The following ZNF232 variants were observed in gnomAD, a reference collection of about 807,000 sequenced individuals.
ZNF232 encodes the protein zinc finger protein 232, also known as zinc finger and SCAN domain-containing protein 11.
In ZNF232, 25 loss-of-function variants were observed where a neutral mutation model predicts 25.2. The observed-to-expected ratio is 0.99, with a 90% CI of 0.72 to 1.39. ZNF232 has a LOEUF of 1.39. Ranked by LOEUF, ZNF232 falls within the 40% of genes most tolerant of loss-of-function variation. The probability of loss-of-function intolerance (pLI) is 0.00; values close to 1 mark genes in which losing one functional copy is unlikely to be tolerated. For synonymous variants in ZNF232, 193 were observed against 182.9 expected (o/e 1.06, Z -0.45); for missense variants, 519 against 520.9 (o/e 1.00, Z 0.04).
chr17:5,111,418 A>T (rs941656480), intron 1 of ZNF232: 8 of 323,756 alleles, frequency 2.5e-5, no homozygotes, highest in Non-Finnish European at 4.0e-5. Context: ...AGGCGCGAGG[A>T]AAAACGCGGA....
At chr17:5,121,452 A>C in intron 1 of ZNF232, 1 of 283,838 alleles carries the variant, frequency 3.5e-6, no homozygotes, top group South Asian at 3.8e-5. Context: ...GGAGCTCTAC[A>C]TCTCTGTGCA....
intron 3 of ZNF232, among the ~76,000 whole-genome samples, chr17:5,106,818 A>G (rs1198137132): frequency 6.6e-6 from 1 of 152,206 alleles, no homozygotes; most frequent in Non-Finnish European, 1.5e-5. Context: ...AGGATTTTTC[A>G]TATTTTCAAG....
chr17:5,118,850 CTG>C (rs1238730852), intron 1 of ZNF232, among the ~76,000 whole-genome samples: 1 of 152,202 alleles, frequency 6.6e-6, no homozygotes, highest in African/African-American at 2.4e-5. Flanking sequence ...CATCTACTGA[CTG>C]AGTCTGGGGT....
At position 5,111,799 on chromosome 17, in the gene ZNF232, C is replaced by G; in HGVS notation, c.23+1G>C. 1 of 1,613,894 alleles carries G rather than the reference C, an allele frequency of 6.2e-7. No individual in the cohort carries two copies. The highest frequency in any genetic ancestry group is 1.7e-5 in the Admixed American group (1 of 60,024). On this transcript the variant is annotated splice_donor_variant, in intron 1 of 3. Coordinates refer to ENST00000575898, the Ensembl canonical transcript of ZNF232. LOFTEE classifies it high-confidence loss of function. ...TCGGGGAAGCCGCCGCCAACACTCA[C>G]CTCACAGGACCAGGAGGTTCCATCG...
At chr17:5,118,328 G>A (rs1375770362) in intron 1 of ZNF232, 2 of 152,508 alleles carry the variant, frequency 1.3e-5, no homozygotes, top group Non-Finnish European at 2.9e-5. Flanking sequence ...GGCCACTACA[G>A]GCACCAGCAT....
chr17:5,122,243 A>G (rs1382056107), intron 1 of ZNF232, among the ~76,000 whole-genome samples: 6 of 152,090 alleles, frequency 3.9e-5, no homozygotes, highest in Admixed American at 6.6e-5. Context: ...CGTGACTCAC[A>G]GTCAGGACTC....
chr17:5,111,855 C>A, upstream of ZNF232: 1 of 1,613,484 alleles, frequency 6.2e-7, no homozygotes. Flanking sequence ...CCACTTACAG[C>A]CCTCACCCCA....
chr17:5,122,792 G>A (rs1235087535), intron 1 of ZNF232, among the ~76,000 whole-genome samples: 4 of 152,254 alleles, frequency 2.6e-5, no homozygotes, highest in Non-Finnish European at 5.9e-5. Flanking sequence ...AGGGCGAGGG[G>A]TCGGGGCCGG....
At chr17:5,109,002 C>T in exon 3 of ZNF232, 1 of 1,614,116 alleles carries the variant, frequency 6.2e-7, no homozygotes, top group South Asian at 1.1e-5. Context: ...CCAGAGATTC[C>T]TTCTTCTCCC....
chr17:5,115,184 G>T (rs188836437), upstream of ZNF232, among the ~76,000 whole-genome samples: 2 of 151,976 alleles, frequency 1.3e-5, no homozygotes, highest in South Asian at 2.1e-4. Context: ...GCATCTTTTG[G>T]GGGGTGGGGC....
At chr17:5,109,148 T>C in intron 2 of ZNF232, 96 bp from the exon 3 acceptor site, 1 of 1,561,414 alleles carries the variant, frequency 6.4e-7, no homozygotes, top group Non-Finnish European at 8.7e-7. Flanking sequence ...TGACCCTCCT[T>C]GGACCAAAGC....
At chr17:5,117,019 G>A (rs2072553154) in intron 1 of ZNF232, among the ~76,000 whole-genome samples, 1 of 152,126 alleles carries the variant, frequency 6.6e-6, no homozygotes, top group Non-Finnish European at 1.5e-5. Flanking sequence ...AGGAAGGAAA[G>A]GTAAGTACTT....
chr17:5,111,763 C>T (rs1241690418), intron 1 of ZNF232, 37 bp downstream of exon 1: 3 of 1,613,546 alleles, frequency 1.9e-6, no homozygotes. Flanking sequence ...AGCCAAGCCG[C>T]CAGGTGGACC....
upstream of ZNF232, among the ~76,000 whole-genome samples, chr17:5,115,254 G>A (rs907056236): frequency 3.9e-5 from 6 of 151,992 alleles, no homozygotes; most frequent in Admixed American, 1.3e-4. Context: ...GAGTTATTTC[G>A]AAACAAGGAA....
At chr17:5,109,775 G>A (rs1391623682) in exon 2 of ZNF232, 2 of 1,614,102 alleles carry the variant, frequency 1.2e-6, no homozygotes, top group East Asian at 2.2e-5. Context: ...TACCCTGAAG[G>A]GCCAGAGTTT....
chr17:5,109,402 CT>C lies in ZNF232; in HGVS notation c.489del (p.Glu164SerfsTer30). On this transcript the variant is annotated frameshift_variant, in exon 2 of 4. Transcript: ENST00000575898. LOFTEE classifies it high-confidence loss of function. Reference sequence around the variant, plus strand: ...CAAATCCCCCTTCCCACCTGCGGCTCTGGTTCAAGTCCTTTCTCTAAATCCT... The same window carrying C: ...CAAATCCCCCTTCCCACCTGCGGCTCGGTTCAAGTCCTTTCTCTAAATCCT... 6.2e-7 allele frequency: 1 copy of C among 1,614,154 alleles called. No individual in the cohort carries two copies. The highest frequency in any genetic ancestry group is 8.5e-7 in the Non-Finnish European group (1 of 1,180,018).
intron 3 of ZNF232, among the ~76,000 whole-genome samples, chr17:5,107,685 C>T (rs987933058): frequency 1.3e-5 from 2 of 151,540 alleles, no homozygotes; most frequent in Non-Finnish European, 2.9e-5. Flanking sequence ...ATTACAGGCG[C>T]GTATCACACC....
chr17:5,108,036 A>G (rs1396085906), intron 3 of ZNF232, among the ~76,000 whole-genome samples: 1 of 152,240 alleles, frequency 6.6e-6, no homozygotes, highest in Non-Finnish European at 1.5e-5. Context: ...AAAAAAGTCA[A>G]GGAAGAAAGA....
Position 5,106,149 on chromosome 17 carries a change from C to T in ZNF232, c.983G>A (p.Gly328Glu), listed in dbSNP as rs769803347. ...GTTTGAGCTCTGTTTGAAAGTTTTC[C>T]CACAGTCACTACACTTATAGGGTTT... Residue 328 changes from glycine to glutamate, a missense_variant, in exon 4 of 4, where the codon GGG becomes GAG. Physicochemically the swap from Gly to Glu is moderately conservative, Grantham distance 98. Transcript: ENST00000575898. 5.6e-6 allele frequency: 9 copies of T among 1,614,022 alleles called. No individual in the cohort carries two copies. The Admixed American group carries it at 1.2e-4, about 21-fold the overall frequency.
Sources: gnomAD v4.1 joint callset for allele counts (sites outside exome capture counted in the v4.1 genomes callset) on GRCh38, gnomAD v4.1.1 for gene constraint, MANE v1.5 for transcripts, NCBI Gene and HGNC (gene_info 2026-07-23, HGNC 2026-07-21) for gene names.